Variants in CARD14 observed in about 807,000 individuals in gnomAD.
The protein encoded by CARD14 is caspase recruitment domain family member 14, also known as caspase recruitment domain-containing protein 14.
In CARD14, 107 loss-of-function variants were observed where a neutral mutation model predicts 111.5. The observed-to-expected ratio is 0.96, with a 90% CI of 0.82 to 1.13. The LOEUF (loss-of-function observed/expected upper bound fraction) is 1.13. Among genes scored for constraint, CARD14 ranks in the 50% most tolerant of loss-of-function variants. CARD14 has a pLI of 0.00. For missense variants in CARD14, 1,322 were observed against 1,362.3 expected (o/e 0.97, Z 0.47); for synonymous variants, 617 against 579.6 (o/e 1.06, Z -0.93).
At chr17:80,177,813 G>A (rs900171495) in intron 2 of CARD14, among the ~76,000 whole-genome samples, 1 of 152,048 alleles carries the variant, frequency 6.6e-6, no homozygotes, top group African/African-American at 2.4e-5. Context: ...TCAAAGTGTG[G>A]GATTACAGGC....
chr17:80,185,940 T>C (rs1008936317), intron 7 of CARD14, among the ~76,000 whole-genome samples: 22 of 152,256 alleles, frequency 1.4e-4, no homozygotes, highest in African/African-American at 4.3e-4. Flanking sequence ...CTGTCGCCCC[T>C]CACAGGGGAC....
Position 80,198,561 on chromosome 17 carries a change from G to A in CARD14, c.1821G>A (p.Met607Ile). The change falls in exon 16 of 24, where the codon ATG becomes ATA. Residue 607 changes from methionine (M) to isoleucine (I), a missense_variant. Coordinates refer to ENST00000648509, the MANE Select transcript of CARD14 (RefSeq NM_001366385.1). The surrounding 1 kb of genome is among the most constrained non-coding windows in gnomAD (Gnocchi z 7.5). The part of the protein sequence containing the change: ...RVTPGSAADQ[M>I]ALRPGTQIVM... ...CCCCGGGCTCGGCGGCGGACCAGATGGCCTTGCGCCCGGGCACCCAGATTG... is the reference window on the plus strand; with the variant it reads ...CCCCGGGCTCGGCGGCGGACCAGATAGCCTTGCGCCCGGGCACCCAGATTG... The A allele has an allele frequency of 1.2e-6, 2 of 1,612,890 alleles. No homozygotes were observed. Among genetic ancestry groups the A allele is most frequent in the South Asian group, 1.1e-5 (1 of 91,036 alleles).
At chr17:80,190,627 A>AG (rs1361739784) in intron 9 of CARD14, 147 bp from the exon 10 acceptor site, 49 of 831,790 alleles carry the variant, frequency 5.9e-5, no homozygotes, top group African/African-American at 2.3e-4. Flanking sequence ...AAAAAAAAAA[A>AG]AAGAGAGAGA....
Position 80,208,415 on chromosome 17 carries a change from C to T in CARD14, c.*70C>T, listed in dbSNP as rs2041475242. The T allele has an allele frequency of 7.2e-6, 10 of 1,383,106 alleles. No homozygotes were observed. Among genetic ancestry groups the T allele is most frequent in the Non-Finnish European group, 9.8e-6 (10 of 1,024,918 alleles). 85.7% of individuals were successfully genotyped at this position (1,383,106 alleles called of 1,614,324 possible). ...GTTAATGCAGTCCTGTTCCTCAGCC[C>T]AGGCCCTCTTGGCACAGCTGTGGGC... On this transcript the variant is annotated 3_prime_UTR_variant, in exon 24 of 24. Coordinates refer to ENST00000648509, the MANE Select transcript of CARD14 (RefSeq NM_001366385.1).
chr17:80,180,420 G>T (rs1402533432), intron 4 of CARD14, among the ~76,000 whole-genome samples: 1 of 152,240 alleles, frequency 6.6e-6, no homozygotes, highest in East Asian at 1.9e-4. Flanking sequence ...CGTGCTGGCC[G>T]TTACTACCCT....
In CARD14 at chr17:80,195,860, C is replaced by T. The variant is rs2144321009; in HGVS notation, c.1594+208C>T. Reference sequence around the variant, plus strand: ...GCGTAAGCCAAAGGCCGGCTGCGCTCTGTCTGCTGGTGTCCTTGTGTTTTT... The same window carrying T: ...GCGTAAGCCAAAGGCCGGCTGCGCTTTGTCTGCTGGTGTCCTTGTGTTTTT... On this transcript the variant is annotated intron_variant, in intron 14 of 23. Coordinates refer to ENST00000648509, the MANE Select transcript of CARD14 (RefSeq NM_001366385.1). This position sits in a 1 kb window ranked among gnomAD's most constrained non-coding sequence, Gnocchi z 4.7. 3.5e-6 allele frequency: 2 copies of T among 573,830 alleles called. No individual in the cohort carries two copies. Among genetic ancestry groups the T allele is most frequent in the East Asian group, 5.9e-5 (2 of 33,670 alleles). The allele number at this position is 573,830 out of a possible 1,614,324, so 35.5% of individuals were successfully genotyped here.
chr17:80,196,031 C>A, intron 14 of CARD14: 1 of 185,992 alleles, frequency 5.4e-6, no homozygotes, highest in Non-Finnish European at 1.1e-5. Flanking sequence ...CGAGGCACAG[C>A]GTGACATCTA....
chr17:80,193,056 C>G (rs1004665702), intron 12 of CARD14, among the ~76,000 whole-genome samples: 1 of 152,096 alleles, frequency 6.6e-6, no homozygotes, highest in Admixed American at 6.6e-5. Context: ...GGCCCTATTG[C>G]GAGAGTTTTA....
At chr17:80,193,800 C>T (rs910294204) in intron 12 of CARD14, among the ~76,000 whole-genome samples, 5 of 152,184 alleles carry the variant, frequency 3.3e-5, no homozygotes, top group Admixed American at 6.5e-5. Flanking sequence ...GCTGGGCCTC[C>T]CTGGGCCAGG....
At chr17:80,199,335 A>G (rs2040847420) in intron 16 of CARD14, among the ~76,000 whole-genome samples, 1 of 151,388 alleles carries the variant, frequency 6.6e-6, no homozygotes, top group Admixed American at 6.6e-5. Flanking sequence ...TAAAAATGCA[A>G]AAATTAGCCA....
chr17:80,205,810 C>A (rs951405671), intron 22 of CARD14, 158 bp downstream of exon 22: 3 of 643,258 alleles, frequency 4.7e-6, no homozygotes, highest in Non-Finnish European at 7.5e-6. Context: ...GCCCAAAACT[C>A]ATCTCAGCCA....
chr17:80,205,718 G>C, intron 22 of CARD14, 66 bp downstream of exon 22: 1 of 1,463,684 alleles, frequency 6.8e-7, no homozygotes, highest in South Asian at 1.4e-5. Flanking sequence ...GCAGAGGAGG[G>C]GGATGAGATA....
In CARD14 at chr17:80,189,723, G is replaced by T; in HGVS notation, c.844-30G>T. The T allele has an allele frequency of 6.6e-7, 1 of 1,526,364 alleles. No individual in the cohort carries two copies. Among genetic ancestry groups the T allele is most frequent in the East Asian group, 2.6e-5 (1 of 39,094 alleles). The allele number at this position is 1,526,364 out of a possible 1,614,324, so 94.6% of individuals were successfully genotyped here. On this transcript the variant is annotated intron_variant, in intron 8 of 23. Coordinates refer to ENST00000648509, the MANE Select transcript of CARD14 (RefSeq NM_001366385.1). This position sits in a 1 kb window ranked among gnomAD's most constrained non-coding sequence, Gnocchi z 4.7. ...CTAGGGCAGGCCTCTGGGGAAGCCA[G>T]CACCCCAGGCTGACCTCTCTCTGCC...
chr17:80,185,454 A>G (rs1341373979), intron 7 of CARD14, among the ~76,000 whole-genome samples: 1 of 152,238 alleles, frequency 6.6e-6, no homozygotes, highest in Non-Finnish European at 1.5e-5. Flanking sequence ...AAATAAAAAT[A>G]GTACAAATAA....
intron 2 of CARD14, among the ~76,000 whole-genome samples, chr17:80,174,488 C>T (rs556587639): frequency 1.1e-4 from 16 of 152,336 alleles, no homozygotes; most frequent in African/African-American, 2.2e-4. Context: ...GCTGGGATTA[C>T]AGGCGTGAGC....
chr17:80,199,012 G>A (rs548704974), intron 16 of CARD14: 27 of 758,892 alleles, frequency 3.6e-5, no homozygotes, highest in Admixed American at 1.7e-4. Flanking sequence ...GCTGCGGTGC[G>A]ATCACAGCTC....
rs2040821349 is a variant in CARD14, at chr17:80,198,791, C to T, written c.1851+200C>T. The stretch of plus-strand genomic sequence containing the variant: ...GTGCCGTGCAGAACCCAGCATGTCA[C>T]CCGTGGTGCTGCTGCCATGCGGCGC... On this transcript the variant is annotated intron_variant, in intron 16 of 23. Coordinates refer to ENST00000648509, the MANE Select transcript of CARD14 (RefSeq NM_001366385.1). The surrounding 1 kb of genome is among the most constrained non-coding windows in gnomAD (Gnocchi z 7.5). The T allele has an allele frequency of 6.7e-7, 1 of 1,490,610 alleles. No individual in the cohort carries two copies. Among genetic ancestry groups the T allele is most frequent in the Non-Finnish European group, 8.9e-7 (1 of 1,125,796 alleles). 92.3% of individuals were successfully genotyped at this position (1,490,610 alleles called of 1,614,324 possible). A position where few individuals can be genotyped will look rare whatever the true frequency, so the allele number is the denominator to read the frequency against.
rs1260075901 is a variant in CARD14 at position 80,188,161 on chromosome 17, A to G, written c.676-216A>G. On this transcript the variant is annotated intron_variant, in intron 7 of 23. Transcript: ENST00000648509. The surrounding 1 kb of genome is among the most constrained non-coding windows in gnomAD (Gnocchi z 4.5). Reference sequence around the variant, plus strand: ...GGAGTTCAACCGCGGTGCCTCATCTATAAGACAGAGCTGAAAGGCCTCTGT... The same window carrying G: ...GGAGTTCAACCGCGGTGCCTCATCTGTAAGACAGAGCTGAAAGGCCTCTGT... 5.9e-6 allele frequency: 3 copies of G among 512,756 alleles called. No homozygotes were observed. The highest frequency in any genetic ancestry group is 4.2e-5 in the East Asian group (1 of 23,724). 31.8% of individuals were successfully genotyped at this position (512,756 alleles called of 1,614,324 possible). A position where few individuals can be genotyped will look rare whatever the true frequency, so the allele number is the denominator to read the frequency against.
chr17:80,194,229 A>G (rs2040630310), intron 12 of CARD14, among the ~76,000 whole-genome samples: 1 of 151,782 alleles, frequency 6.6e-6, no homozygotes, highest in Non-Finnish European at 1.5e-5. Flanking sequence ...TGCCCTGCCC[A>G]TGTCGCCCAC....
Sources: allele counts gnomAD v4.1 joint callset (sites outside exome capture counted in the v4.1 genomes callset), GRCh38; gene constraint gnomAD v4.1.1; non-coding constraint Gnocchi (gnomAD v3.1); transcripts MANE v1.5; gene names NCBI Gene and HGNC (gene_info 2026-07-23, HGNC 2026-07-21).